FOXK2: variants seen among roughly 807,000 people sequenced by gnomAD.
FOXK2 encodes the protein forkhead box protein K2.
FOXK2 carries 24 observed loss-of-function variants against 53.3 expected under a neutral mutation model. The ratio of observed to expected loss-of-function variants is 0.45; its 90% CI spans 0.33 to 0.63. The LOEUF (loss-of-function observed/expected upper bound fraction) is 0.63, where lower values mean the gene tolerates loss of function less well. Ranked by LOEUF, FOXK2 falls within the 30% of genes least tolerant of loss-of-function variation. The probability of loss-of-function intolerance (pLI) is 0.03; values close to 1 mark genes in which losing one functional copy is unlikely to be tolerated. For synonymous variants in FOXK2, 505 were observed against 407.1 expected (o/e 1.24, Z -2.89); for missense variants, 952 against 910.5 (o/e 1.05, Z -0.59).
At chr17:82,562,515 G>C (rs1029557023) in intron 1 of FOXK2, among the ~76,000 whole-genome samples, 5 of 152,020 alleles carry the variant, frequency 3.3e-5, no homozygotes, top group Admixed American at 2.6e-4. Context: ...GGGAGGTGGA[G>C]GTTGCAATGA....
intron 3 of FOXK2, among the ~76,000 whole-genome samples, chr17:82,571,318 A>G (rs1192667072): frequency 6.6e-6 from 1 of 152,200 alleles, no homozygotes; most frequent in East Asian, 1.9e-4. Context: ...ATGAGGTATC[A>G]GGCTGGGCGC....
chr17:82,601,590 G>A lies in FOXK2; in HGVS notation c.*91G>A. 7.5e-7 allele frequency: 1 copy of A among 1,324,594 alleles called. No individual in the cohort carries two copies. Among genetic ancestry groups the A allele is most frequent in the Non-Finnish European group, 1.0e-6 (1 of 985,258 alleles). The allele number at this position is 1,324,594 out of a possible 1,614,324, so 82.1% of individuals were successfully genotyped here. A position where few individuals can be genotyped will look rare whatever the true frequency, so the allele number is the denominator to read the frequency against. ...CCAGCACTCGGGGGTGCAGGGCCCT[G>A]TGGTTGGACTTCACCTCTCAGCACT... On this transcript the variant is annotated 3_prime_UTR_variant, in exon 9 of 9. Transcript: ENST00000335255.
At chr17:82,576,777 T>C in intron 4 of FOXK2, 1 of 635,006 alleles carries the variant, frequency 1.6e-6, no homozygotes, top group South Asian at 1.8e-5. Flanking sequence ...GCTTCATTTT[T>C]ATGGTGCTGT....
chr17:82,553,097 G>T (rs146618049), intron 1 of FOXK2, among the ~76,000 whole-genome samples: 100 of 152,170 alleles, frequency 6.6e-4, no homozygotes, highest in African/African-American at 2.0e-3. Flanking sequence ...CACCACACCT[G>T]GCTGATTTTT....
chr17:82,569,208 T>C (rs2044885944), intron 3 of FOXK2, among the ~76,000 whole-genome samples: 1 of 152,078 alleles, frequency 6.6e-6, no homozygotes, highest in African/African-American at 2.4e-5. Context: ...GGAAGTGTGA[T>C]CTATCCCAGC....
At chr17:82,574,551 C>T (rs1013658007) in intron 4 of FOXK2, among the ~76,000 whole-genome samples, 5 of 152,148 alleles carry the variant, frequency 3.3e-5, no homozygotes, top group African/African-American at 1.2e-4. Flanking sequence ...AACTCCCGAC[C>T]TCGGGTGATC....
chr17:82,601,459 C>T lies in FOXK2; in HGVS notation c.1943C>T (p.Thr648Met), dbSNP rs148208901. 4.0e-4 allele frequency: 637 copies of T among 1,611,542 alleles called. No individual in the cohort carries two copies. Among genetic ancestry groups the T allele is most frequent in the Non-Finnish European group, 5.0e-4 (591 of 1,179,414 alleles). Residue 648 changes from threonine to methionine, a missense_variant, in exon 9 of 9, where the codon ACG (threonine) becomes ATG (methionine). Transcript: ENST00000335255. The stretch of plus-strand genomic sequence containing the variant: ...ATCGTCATTGCCCTGAGCGTGGACA[C>T]GCCACCGGCAGCCGTAAGGGAAAAG... ...EGIVIALSVD[T>M]PPAAVREKGV... is the part of the protein sequence containing the mutation.
chr17:82,576,682 T>C (rs2044990482), intron 4 of FOXK2: 3 of 1,103,692 alleles, frequency 2.7e-6, no homozygotes, highest in Admixed American at 4.1e-5. Flanking sequence ...ACTAAGCCAC[T>C]GCTTAAGTCT....
chr17:82,585,599 C>G (rs1228840290), intron 6 of FOXK2, among the ~76,000 whole-genome samples: 1 of 152,108 alleles, frequency 6.6e-6, no homozygotes, highest in Non-Finnish European at 1.5e-5. Context: ...TGCGCCCGGC[C>G]CAGTTTCCTC....
At chr17:82,585,817 T>C in intron 6 of FOXK2, 87 bp from the exon 7 acceptor site, 3 of 1,332,182 alleles carry the variant, frequency 2.3e-6, no homozygotes, top group Non-Finnish European at 2.1e-6. Context: ...TTAAAGTTTG[T>C]ATGTTGCTTG....
At chr17:82,587,600 C>T (rs1279428661) in intron 8 of FOXK2, 3 of 391,258 alleles carry the variant, frequency 7.7e-6, no homozygotes, top group Non-Finnish European at 1.5e-5. Context: ...TTTCCCTTGG[C>T]CTCGCGCGCC....
rs1357421923 is a variant in FOXK2, at chr17:82,602,388, T to TAA, written c.*890_*891dup. On this transcript the variant is annotated 3_prime_UTR_variant, in exon 9 of 9. Transcript: ENST00000335255. ...TCCACTCTGAGTAAAACAAGTCTCC[T>TAA]AAGTATTGTGTATGTTTAAAACGAC... 4 of 152,244 alleles carry TAA rather than the reference T, an allele frequency of 2.6e-5. No individual in the cohort carries two copies. The East Asian group carries it at 7.7e-4, about 29-fold the overall frequency. The allele number at this position is 152,244 out of a possible 1,614,324, so 9.4% of individuals were successfully genotyped here.
At chr17:82,566,136 C>T (rs1201300535) in intron 2 of FOXK2, among the ~76,000 whole-genome samples, 6 of 151,778 alleles carry the variant, frequency 4.0e-5, no homozygotes, top group Admixed American at 1.3e-4. Context: ...CATTCTGGAG[C>T]GGGGTGGTGT....
chr17:82,554,495 A>G lies in FOXK2; in HGVS notation c.420-8859A>G, dbSNP rs911683740. Among the ~76,000 whole-genome samples, 15 of 152,254 alleles carry G rather than the reference A, an allele frequency of 9.9e-5. No individual in the cohort carries two copies. In the East Asian group the frequency reaches 2.9e-3, roughly 29 times the overall value. ...TGGGAGAAGGATGTTTGCGACACTGAATCCAGTTTAAGTTGTTGGTTTGTT... is the reference window on the plus strand; with the variant it reads ...TGGGAGAAGGATGTTTGCGACACTGGATCCAGTTTAAGTTGTTGGTTTGTT... On this transcript the variant is annotated intron_variant, in intron 1 of 8. Coordinates refer to ENST00000335255, the MANE Select transcript of FOXK2 (RefSeq NM_004514.4).
chr17:82,586,535 G>C (rs865859611), intron 7 of FOXK2, among the ~76,000 whole-genome samples: 1 of 115,142 alleles, frequency 8.7e-6, no homozygotes, highest in African/African-American at 4.4e-5. Flanking sequence ...ACCACAGGGA[G>C]GTCAAAGGTA....
chr17:82,604,280 T>G lies in FOXK2; in HGVS notation c.*2781T>G, dbSNP rs1402120645. 6.6e-6 allele frequency: 1 copy of G among 152,428 alleles called. No homozygotes were observed. The highest frequency in any genetic ancestry group is 2.4e-5 in the African/African-American group (1 of 41,472). 9.4% of individuals were successfully genotyped at this position (152,428 alleles called of 1,614,324 possible). On this transcript the variant is annotated 3_prime_UTR_variant, in exon 9 of 9. Coordinates refer to ENST00000335255, the MANE Select transcript of FOXK2 (RefSeq NM_004514.4). ...CGTCACGTGGTGCACTCAGAGTGTG[T>G]GCGGCATGATCCTCGGTTGCTCCTC...
chr17:82,567,926 CT>C (rs3065019), intron 2 of FOXK2, 127 bp from the exon 3 acceptor site: 46,219 of 413,598 alleles, frequency 0.11, 1,355 homozygotes, highest in East Asian at 0.19. Context: ...TATTCTCTTC[CT>C]TTTTTTTTTT....
chr17:82,527,597 C>G (rs2044431174), intron 1 of FOXK2, among the ~76,000 whole-genome samples: 1 of 152,138 alleles, frequency 6.6e-6, no homozygotes, highest in Non-Finnish European at 1.5e-5. Flanking sequence ...CCACTGTACT[C>G]CAGCCTGGGT....
chr17:82,552,596 C>T (rs1443633415), intron 1 of FOXK2, among the ~76,000 whole-genome samples: 1 of 152,184 alleles, frequency 6.6e-6, no homozygotes, highest in African/African-American at 2.4e-5. Context: ...GTGATTTCGT[C>T]GAACGTCCCT....
Sources: gnomAD v4.1 joint callset for allele counts (sites outside exome capture counted in the v4.1 genomes callset) on GRCh38, gnomAD v4.1.1 for gene constraint, MANE v1.5 for transcripts, NCBI Gene and HGNC (gene_info 2026-07-23, HGNC 2026-07-21) for gene names.